The following BTBD7 variants were observed in gnomAD, a reference collection of about 807,000 sequenced individuals.
The protein encoded by BTBD7 is BTB domain containing 7, also known as BTB/POZ domain-containing protein 7.
A neutral mutation model predicts 99.9 loss-of-function variants in BTBD7; 38 were observed. That is an observed-to-expected ratio of 0.38 (90% CI 0.29 to 0.50). BTBD7 has a LOEUF of 0.50. Ranked by LOEUF, BTBD7 falls within the 20% of genes least tolerant of loss-of-function variation. The pLI, the probability that BTBD7 is intolerant of heterozygous loss-of-function variation, is 0.93. For synonymous variants in BTBD7, 520 were observed against 511.4 expected (o/e 1.02, Z -0.23); for missense variants, 1,170 against 1,394.6 (o/e 0.84, Z 2.57).
intron 3 of BTBD7, among the ~76,000 whole-genome samples, chr14:93,269,467 G>A (rs1262960226): frequency 3.9e-5 from 6 of 152,116 alleles, no homozygotes; most frequent in African/African-American, 7.2e-5. Context: ...TCAGACTCTT[G>A]GTGACAAAGT....
Position 93,245,857 on chromosome 14 carries a change from C to CTGTTGCTGT in BTBD7, c.2542_2550dup (p.Thr848_Thr850dup). 1 of 1,613,152 alleles carries CTGTTGCTGT rather than the reference C, an allele frequency of 6.2e-7. No homozygotes were observed. The highest frequency in any genetic ancestry group is 2.2e-5 in the East Asian group (1 of 44,870). Reference sequence around the variant, plus strand: ...TTCTCAGATGCTGCTGCTGCTGCTGCTGTTGCTGTTGAGGTGGTGGTGGCG... The same window carrying CTGTTGCTGT: ...TTCTCAGATGCTGCTGCTGCTGCTGCTGTTGCTGTTGTTGCTGTTGAGGTGGTGGTGGCG... On this transcript the variant is annotated inframe_insertion, in exon 10 of 11. Coordinates refer to ENST00000334746, the MANE Select transcript of BTBD7 (RefSeq NM_001002860.4).
chr14:93,319,968 GA>G (rs1382446845), intron 1 of BTBD7, among the ~76,000 whole-genome samples: 11 of 150,714 alleles, frequency 7.3e-5, no homozygotes, highest in African/African-American at 2.7e-4. Context: ...AACTGATAAA[GA>G]AAATAAAAAT....
At chr14:93,293,750 C>T in intron 3 of BTBD7, 108 bp downstream of exon 3, 2 of 1,401,804 alleles carry the variant, frequency 1.4e-6, no homozygotes, top group Non-Finnish European at 1.9e-6. Context: ...AAAAACTGAC[C>T]CTGTAACATC....
intron 1 of BTBD7, among the ~76,000 whole-genome samples, chr14:93,322,288 A>G (rs1485812633): frequency 6.6e-6 from 1 of 151,430 alleles, no homozygotes; most frequent in East Asian, 1.9e-4. Flanking sequence ...TAATTTTTAA[A>G]CTTTTTTTTT....
At chr14:93,310,482 G>C (rs1343384729) in intron 1 of BTBD7, among the ~76,000 whole-genome samples, 1 of 152,080 alleles carries the variant, frequency 6.6e-6, no homozygotes, top group African/African-American at 2.4e-5. Context: ...TTTGCCAAAT[G>C]TATTACCATG....
chr14:93,315,103 T>C (rs987399104), intron 1 of BTBD7, among the ~76,000 whole-genome samples: 2 of 152,164 alleles, frequency 1.3e-5, no homozygotes, highest in Middle Eastern at 3.2e-3. Context: ...TGCAAACATT[T>C]TTACATCAGA....
chr14:93,316,735 T>C (rs2053211475), intron 1 of BTBD7, among the ~76,000 whole-genome samples: 1 of 152,204 alleles, frequency 6.6e-6, no homozygotes, highest in Non-Finnish European at 1.5e-5. Flanking sequence ...GTTTGCTTGC[T>C]CTGACACAGT....
intron 3 of BTBD7, among the ~76,000 whole-genome samples, chr14:93,285,798 T>C (rs545025689): frequency 6.6e-6 from 1 of 152,362 alleles, no homozygotes; most frequent in African/African-American, 2.4e-5. Flanking sequence ...TTTTAAATAC[T>C]AGTCTTTTAA....
chr14:93,248,970 T>C (rs2052342901), intron 8 of BTBD7, among the ~76,000 whole-genome samples: 2 of 152,326 alleles, frequency 1.3e-5, no homozygotes, highest in South Asian at 4.1e-4. Context: ...TTTAAATATA[T>C]TCATTCTATT....
chr14:93,287,624 A>G (rs2052795862), intron 3 of BTBD7: 1 of 152,144 alleles, frequency 6.6e-6, no homozygotes, highest in Non-Finnish European at 1.5e-5. Flanking sequence ...CAAGAGCCAT[A>G]AAATTGCTTT....
At chr14:93,296,911 A>G (rs2052935039) in intron 1 of BTBD7, among the ~76,000 whole-genome samples, 1 of 152,252 alleles carries the variant, frequency 6.6e-6, no homozygotes, top group African/African-American at 2.4e-5. Flanking sequence ...TGAACATGGA[A>G]ACTTAACTCT....
At chr14:93,251,113 T>C (rs539007182) in intron 8 of BTBD7, among the ~76,000 whole-genome samples, 16 of 152,366 alleles carry the variant, frequency 1.1e-4, no homozygotes, top group Admixed American at 7.2e-4. Flanking sequence ...TGTGCATGCA[T>C]GCACATATGT....
intron 3 of BTBD7, among the ~76,000 whole-genome samples, chr14:93,272,093 C>T (rs1457626153): frequency 6.6e-6 from 1 of 151,884 alleles, no homozygotes; most frequent in Non-Finnish European, 1.5e-5. Flanking sequence ...CCGAGGTGGG[C>T]GGATCACCAG....
intron 3 of BTBD7, 105 bp from the exon 4 acceptor site, chr14:93,264,098 T>A: frequency 1.0e-6 from 1 of 966,170 alleles, no homozygotes; most frequent in Non-Finnish European, 1.5e-6. Context: ...AAAAAAGAAC[T>A]CAAGGAGATA....
Position 93,296,133 on chromosome 14 carries a change from T to A in BTBD7, c.-82A>T. On this transcript the variant is annotated 5_prime_UTR_variant, in exon 2 of 11. Transcript: ENST00000334746. Reference sequence around the variant, plus strand: ...GCCTTTATGAACCTTCAACCCTGGATCCAGCAGCCTCTTTTCATCCATTTC... The same window carrying A: ...GCCTTTATGAACCTTCAACCCTGGAACCAGCAGCCTCTTTTCATCCATTTC... 1 of 1,414,226 alleles carries A rather than the reference T, an allele frequency of 7.1e-7. No homozygotes were observed. Among genetic ancestry groups the A allele is most frequent in the Non-Finnish European group, 9.3e-7 (1 of 1,076,090 alleles). The allele number at this position is 1,414,226 out of a possible 1,614,324, so 87.6% of individuals were successfully genotyped here.
rs2052380846 is a variant in BTBD7 at position 93,252,522 on chromosome 14, A to AT, written c.1753-871_1753-870insA. Among the ~76,000 whole-genome samples the AT allele has an allele frequency of 1.4e-5, 2 of 140,734 alleles. 1 individual carries two copies. The highest frequency in any genetic ancestry group is 5.0e-4 in the South Asian group (2 of 4,010). 92.3% of individuals were successfully genotyped at this position (140,734 alleles called of 152,430 possible). A position where few individuals can be genotyped will look rare whatever the true frequency, so the allele number is the denominator to read the frequency against. On this transcript the variant is annotated intron_variant, in intron 7 of 10. Coordinates refer to ENST00000334746, the MANE Select transcript of BTBD7 (RefSeq NM_001002860.4). ...CAACAGCACACCACCACGCCTGGCT[A>AT]GTTTTTTTTTTTTTTAATTTATCTT... is the stretch of plus-strand genomic sequence containing the variant.
chr14:93,263,111 A>T (rs2052507791), intron 4 of BTBD7, among the ~76,000 whole-genome samples: 1 of 152,252 alleles, frequency 6.6e-6, no homozygotes, highest in African/African-American at 2.4e-5. Context: ...TGTCTTTAAT[A>T]GCATTAAAAC....
chr14:93,328,030 A>G (rs1424586592), intron 1 of BTBD7, among the ~76,000 whole-genome samples: 6 of 152,204 alleles, frequency 3.9e-5, no homozygotes, highest in African/African-American at 9.6e-5. Flanking sequence ...CTACAATCAC[A>G]TCAAAAAGAA....
At chr14:93,244,943 A>G (rs2052286689) in intron 10 of BTBD7, among the ~76,000 whole-genome samples, 1 of 150,212 alleles carries the variant, frequency 6.7e-6, no homozygotes. Context: ...TGCAGCCTCA[A>G]CAACCTCCCA....
Sources: gnomAD v4.1 joint callset for allele counts (sites outside exome capture counted in the v4.1 genomes callset) on GRCh38, gnomAD v4.1.1 for gene constraint, MANE v1.5 for transcripts, NCBI Gene and HGNC (gene_info 2026-07-23, HGNC 2026-07-21) for gene names.